KANK2: variants seen among roughly 807,000 people sequenced by gnomAD.
The protein encoded by KANK2 is KN motif and ankyrin repeat domain-containing protein 2.
KANK2 carries 41 observed loss-of-function variants against 74.6 expected under a neutral mutation model. That is an observed-to-expected ratio of 0.55 (90% CI 0.43 to 0.71). The LOEUF is 0.71. KANK2 is among the 30% of genes least tolerant of loss of function. The pLI is 0.00. For missense variants in KANK2, 1,148 were observed against 1,196.4 expected, an observed-to-expected ratio of 0.96 and a Z score of 0.60; for synonymous variants, 537 against 519.0, an observed-to-expected ratio of 1.03 and a Z score of -0.47.
At chr19:11,174,181 GGGCGGC>G (rs1321097422) in intron 9 of KANK2, among the ~76,000 whole-genome samples, 7 of 150,956 alleles carry the variant, frequency 4.6e-5, no homozygotes, top group Non-Finnish European at 5.9e-5. Flanking sequence ...CAGACTGGGA[GGGCGGC>G]ATCTCCTCCA....
Position 11,193,933 on chromosome 19 carries a change from G to A in KANK2, c.147C>T (p.Tyr49=), listed in dbSNP as rs142504157. ...TGTGGCCCTTCTCGATGTCATCCAC[G>A]TACTTGAGGAAGTCCAGGTCCAGGC... ...GYRLDLDFLK[Y]VDDIEKGHTL... Residue 49 remains tyrosine, a synonymous_variant, in exon 4 of 13, where the codon TAC becomes TAT. Coordinates refer to ENST00000586659, the MANE Select transcript of KANK2 (RefSeq NM_001136191.3). This position sits in a 1 kb window ranked among gnomAD's most constrained non-coding sequence, Gnocchi z 9.6. 3.7e-5 allele frequency: 60 copies of A among 1,613,890 alleles called. No individual in the cohort carries two copies. The highest frequency in any genetic ancestry group is 4.5e-5 in the East Asian group (2 of 44,878).
At position 11,178,422 on chromosome 19, in the gene KANK2, A is replaced by C. The variant is rs1228775243; in HGVS notation, c.1443T>G (p.Ser481=). The C allele has an allele frequency of 6.3e-7, 1 of 1,592,016 alleles. No individual in the cohort carries two copies. Among genetic ancestry groups the C allele is most frequent in the Non-Finnish European group, 8.5e-7 (1 of 1,172,150 alleles). Reference sequence around the variant, plus strand: ...CAACCTCCTCTTTCCGTTTCATGATAGATCGCACGCCTGCCGGGGGCCCGC... The same window carrying C: ...CAACCTCCTCTTTCCGTTTCATGATCGATCGCACGCCTGCCGGGGGCCCGC... The part of the protein sequence containing the change: ...GTGGPPAGVR[S]IMKRKEEVAD... Residue 481 remains serine (S), a synonymous_variant, in exon 6 of 13, where the codon TCT becomes TCG. Coordinates refer to ENST00000586659, the MANE Select transcript of KANK2 (RefSeq NM_001136191.3).
At position 11,169,982 on chromosome 19, in the gene KANK2, T is replaced by C. The variant is rs1485227527; in HGVS notation, c.2413-16A>G. 1.2e-6 allele frequency: 2 copies of C among 1,613,806 alleles called. No homozygotes were observed. Among genetic ancestry groups the C allele is most frequent in the Non-Finnish European group, 1.7e-6 (2 of 1,179,748 alleles). The stretch of plus-strand genomic sequence containing the variant: ...TGCTCCCATCCTGCAAAGTATCCGG[T>C]GCTATGAATGACGTCCCCATGCTGT... On this transcript the variant is annotated splice_polypyrimidine_tract_variant and intron_variant, in intron 11 of 12. Coordinates refer to ENST00000586659, the MANE Select transcript of KANK2 (RefSeq NM_001136191.3).
intron 1 of KANK2, chr19:11,196,944 G>A (rs1164446612): frequency 6.6e-6 from 1 of 152,116 alleles, no homozygotes; most frequent in African/African-American, 2.4e-5. Flanking sequence ...GAGGCGAGAA[G>A]GACCCCGCCC....
intron 10 of KANK2, 31 bp downstream of exon 10, chr19:11,172,950 C>A (rs1157452963): frequency 6.2e-7 from 1 of 1,605,608 alleles, no homozygotes; most frequent in Admixed American, 1.7e-5. Flanking sequence ...GGAAGAGCCA[C>A]CTGGATCTGC....
chr19:11,195,307 G>A (rs1208301081), intron 2 of KANK2: 1 of 152,202 alleles, frequency 6.6e-6, no homozygotes, highest in South Asian at 2.1e-4. Flanking sequence ...GGAAGTCCTG[G>A]GGGTGGAGGG....
chr19:11,172,886 G>A (rs1298150215), intron 10 of KANK2, 95 bp downstream of exon 10: 4 of 1,360,036 alleles, frequency 2.9e-6, no homozygotes, highest in Non-Finnish European at 4.1e-6. Context: ...GCAGGGCTCT[G>A]GAGTTAGACC....
intron 4 of KANK2, among the ~76,000 whole-genome samples, chr19:11,187,446 T>C (rs1298828887): frequency 6.6e-6 from 1 of 151,866 alleles, no homozygotes; most frequent in Non-Finnish European, 1.5e-5. Flanking sequence ...GACACTCAAA[T>C]GTCTAAATAA....
At chr19:11,192,053 C>G (rs1374078253) in intron 4 of KANK2, among the ~76,000 whole-genome samples, 2 of 152,198 alleles carry the variant, frequency 1.3e-5, no homozygotes, top group Non-Finnish European at 2.9e-5. Flanking sequence ...GAGCGAGACT[C>G]TATCTCTTAA....
chr19:11,172,508 G>A (rs2078206573), intron 10 of KANK2, among the ~76,000 whole-genome samples: 1 of 152,018 alleles, frequency 6.6e-6, no homozygotes, highest in South Asian at 2.1e-4. Flanking sequence ...CACCTCCACA[G>A]TGCCTGTTTC....
chr19:11,175,826 G>T, intron 8 of KANK2, 76 bp downstream of exon 8: 1 of 1,025,276 alleles, frequency 9.8e-7, no homozygotes. Context: ...AGTCACTGAG[G>T]ATGAGGAGAG....
intron 4 of KANK2, among the ~76,000 whole-genome samples, chr19:11,187,165 G>A (rs753323323): frequency 6.6e-6 from 1 of 152,016 alleles, no homozygotes; most frequent in Non-Finnish European, 1.5e-5. Flanking sequence ...GCTGAGGCAG[G>A]AGAATTGCTT....
intron 4 of KANK2, among the ~76,000 whole-genome samples, chr19:11,179,864 T>C (rs763855528): frequency 2.6e-5 from 4 of 152,106 alleles, no homozygotes; most frequent in Admixed American, 1.3e-4. Context: ...CTGGGCCACA[T>C]ATGGCTGCTT....
Position 11,165,586 on chromosome 19 carries a change from T to G in KANK2, c.*972A>C, listed in dbSNP as rs2078006967. 2.0e-5 allele frequency: 3 copies of G among 152,064 alleles called. No homozygotes were observed. Among genetic ancestry groups the G allele is most frequent in the Non-Finnish European group, 2.9e-5 (2 of 68,008 alleles). 9.4% of individuals were successfully genotyped at this position (152,064 alleles called of 1,614,324 possible). ...GTAATTTGTCTCTTTTTCTTTTCTT[T>G]CTTGAGACAGGGTCTCGCTGTGTCG... On this transcript the variant is annotated 3_prime_UTR_variant, in exon 13 of 13. Coordinates refer to ENST00000586659, the MANE Select transcript of KANK2 (RefSeq NM_001136191.3).
In KANK2 at chr19:11,176,786, C is replaced by A; in HGVS notation, c.1552G>T (p.Ala518Ser). Residue 518 changes from alanine (A) to serine (S), a missense_variant, in exon 7 of 13, where the codon GCA becomes TCA. Transcript: ENST00000586659. ...YESSSEDSST[A>S]ENISDNDSTE... ...CTGTCGTTGTCTGAGATGTTCTCTG[C>A]TGTGCTGGAGTCCTCGGATGACGAC... 2 of 1,579,168 alleles carry A rather than the reference C, an allele frequency of 1.3e-6. No homozygotes were observed. The highest frequency in any genetic ancestry group is 1.7e-6 in the Non-Finnish European group (2 of 1,160,646).
chr19:11,192,784 C>T, intron 4 of KANK2, 47 bp downstream of exon 4: 2 of 214,384 alleles, frequency 9.3e-6, no homozygotes, highest in Non-Finnish European at 1.2e-5. Flanking sequence ...AAGAAAGAGG[C>T]CCCCCCCCCC....
intron 6 of KANK2, among the ~76,000 whole-genome samples, chr19:11,177,676 G>A (rs1297790189): frequency 1.3e-5 from 2 of 152,050 alleles, no homozygotes; most frequent in Non-Finnish European, 2.9e-5. Context: ...TAACACAGGT[G>A]ATTCAGACTC....
intron 1 of KANK2, chr19:11,196,436 G>C (rs2079022011): frequency 6.6e-6 from 1 of 152,364 alleles, no homozygotes; most frequent in African/African-American, 2.4e-5. Flanking sequence ...AGGGGATGCA[G>C]AGGGTACAGA....
intron 3 of KANK2, 130 bp from the exon 4 acceptor site, chr19:11,194,172 C>A: frequency 1.0e-6 from 1 of 1,000,856 alleles, no homozygotes. Context: ...TCAACCGCGT[C>A]TGCTCTCAGA....
Sources: gnomAD v4.1 joint callset for allele counts (sites outside exome capture counted in the v4.1 genomes callset) on GRCh38, gnomAD v4.1.1 for gene constraint, Gnocchi (gnomAD v3.1) non-coding constraint, MANE v1.5 for transcripts, NCBI Gene and HGNC (gene_info 2026-07-23, HGNC 2026-07-21) for gene names.